The following KHK variants were observed in gnomAD, a reference collection of about 807,000 sequenced individuals.
KHK encodes the protein ketohexokinase.
In KHK, 37 loss-of-function variants were observed where a neutral mutation model predicts 36.0. The ratio of observed to expected loss-of-function variants is 1.03; its 90% CI spans 0.79 to 1.35. The LOEUF (loss-of-function observed/expected upper bound fraction) is 1.35. KHK is among the 40% of genes most tolerant of loss of function. KHK has a pLI of 0.00. For missense variants in KHK, 395 were observed against 391.9 expected (o/e 1.01, Z -0.07); for synonymous variants, 161 against 162.8 (o/e 0.99, Z 0.08).
At chr2:27,088,325 T>C (rs1342251280) in intron 1 of KHK, among the ~76,000 whole-genome samples, 1 of 152,156 alleles carries the variant, frequency 6.6e-6, no homozygotes, top group Non-Finnish European at 1.5e-5. Context: ...CAGAGTGGTC[T>C]TGAGCTCCTG....
chr2:27,087,496 TG>T (rs544486157), intron 1 of KHK, 145 bp downstream of exon 1: 5 of 574,960 alleles, frequency 8.7e-6, no homozygotes, highest in African/African-American at 1.9e-5. Context: ...CCGGGAATCC[TG>T]GGGGGGCTCC....
chr2:27,092,501 G>C, intron 2 of KHK, 53 bp downstream of exon 2: 1 of 1,323,484 alleles, frequency 7.6e-7, no homozygotes, highest in Non-Finnish European at 1.1e-6. Context: ...ATCATTGTGG[G>C]AGAAGAAGGA....
intron 1 of KHK, among the ~76,000 whole-genome samples, chr2:27,088,301 C>T (rs976943722): frequency 1.3e-5 from 2 of 151,978 alleles, no homozygotes; most frequent in African/African-American, 4.8e-5. Flanking sequence ...GGGACGGGTT[C>T]TCACTATACT....
intron 4 of KHK, 118 bp downstream of exon 4, chr2:27,096,919 C>T (rs1368501983): frequency 9.2e-6 from 7 of 760,502 alleles, no homozygotes; most frequent in Non-Finnish European, 1.6e-5. Flanking sequence ...ACCCAACCCC[C>T]TCATTCTCTC....
intron 5 of KHK, chr2:27,098,768 G>C (rs961796680): frequency 5.1e-6 from 1 of 196,166 alleles, no homozygotes; most frequent in Admixed American, 5.3e-5. Context: ...AGCCAGCATG[G>C]CGGTGGTAGA....
chr2:27,096,115 C>G (rs996265002), intron 3 of KHK, among the ~76,000 whole-genome samples: 1 of 152,200 alleles, frequency 6.6e-6, no homozygotes, highest in Non-Finnish European at 1.5e-5. Flanking sequence ...GGCTACAGAA[C>G]GTGGAGCGGG....
chr2:27,097,355 C>A, intron 4 of KHK, 148 bp from the exon 5 acceptor site: 3 of 929,790 alleles, frequency 3.2e-6, no homozygotes, highest in South Asian at 1.4e-5. Flanking sequence ...TCCACGACAG[C>A]TCTGAATGTT....
At chr2:27,090,391 C>G (rs915568039) in intron 1 of KHK, among the ~76,000 whole-genome samples, 1 of 150,900 alleles carries the variant, frequency 6.6e-6, no homozygotes, top group Non-Finnish European at 1.5e-5. Flanking sequence ...CATATCTTTT[C>G]GTAAAAATTT....
At chr2:27,097,309 G>A (rs143114091) in intron 4 of KHK, among the ~76,000 whole-genome samples, 194 bp from the exon 5 acceptor site, 10 of 152,316 alleles carry the variant, frequency 6.6e-5, no homozygotes, top group East Asian at 5.8e-4. Context: ...CTTCTCATCT[G>A]TGGAATGGAG....
intron 1 of KHK, among the ~76,000 whole-genome samples, chr2:27,092,072 C>T (rs1670041944): frequency 6.6e-6 from 1 of 152,218 alleles, no homozygotes. Context: ...GAGTGGTTTC[C>T]TGTTGCCCTA....
chr2:27,087,322 C>T lies in KHK; in HGVS notation c.63C>T (p.Asp21=), dbSNP rs771363247. ...TGCTGGACGTCATCAGCCTGGTGGA[C>T]AAGTACCCTAAGGAGGACTCGGAGA... ...LVVLDVISLV[D]KYPKEDSEIR... is the part of the protein sequence containing the mutation. The change falls in exon 1 of 8, where the codon GAC becomes GAT. Residue 21 remains aspartate, a synonymous_variant. Transcript: ENST00000260598. 1 of 1,599,656 alleles carries T rather than the reference C, an allele frequency of 6.3e-7. No individual in the cohort carries two copies. The highest frequency in any genetic ancestry group is 1.7e-5 in the Admixed American group (1 of 58,162).
Position 27,097,462 on chromosome 2 carries a change from G to A in KHK, c.418-41G>A, listed in dbSNP as rs779280124. ...CAGGAAGAATGAGGCAGATTGGCCAGGCAGTGCCCAGCGGTCCTGAGCTGC... is the reference window on the plus strand; with the variant it reads ...CAGGAAGAATGAGGCAGATTGGCCAAGCAGTGCCCAGCGGTCCTGAGCTGC... On this transcript the variant is annotated intron_variant, in intron 4 of 7. Transcript: ENST00000260598. 4.3e-6 allele frequency: 7 copies of A among 1,611,442 alleles called. No homozygotes were observed. In the Admixed American group the frequency reaches 1.2e-4, roughly 27 times the overall value.
intron 3 of KHK, among the ~76,000 whole-genome samples, chr2:27,096,433 A>G (rs1193233936): frequency 6.6e-6 from 1 of 152,154 alleles, no homozygotes; most frequent in African/African-American, 2.4e-5. Context: ...TGGCGCTCTC[A>G]GTGCATTCTG....
In KHK at chr2:27,099,950, A is replaced by G. The variant is rs751205514; in HGVS notation, c.*200A>G. Reference sequence around the variant, plus strand: ...TGGGGGATGCAGAGCCTCAGAGCAAATAAATCTTCCTCAGAGCCAGCTTCT... The same window carrying G: ...TGGGGGATGCAGAGCCTCAGAGCAAGTAAATCTTCCTCAGAGCCAGCTTCT... On this transcript the variant is annotated 3_prime_UTR_variant, in exon 8 of 8. Coordinates refer to ENST00000260598, the MANE Select transcript of KHK (RefSeq NM_006488.3). The G allele has an allele frequency of 4.6e-5, 55 of 1,206,928 alleles. No homozygotes were observed. The highest frequency in any genetic ancestry group is 5.8e-5 in the Non-Finnish European group (49 of 837,994). The allele number at this position is 1,206,928 out of a possible 1,614,324, so 74.8% of individuals were successfully genotyped here. A position where few individuals can be genotyped will look rare whatever the true frequency, so the allele number is the denominator to read the frequency against.
chr2:27,091,945 C>T (rs1217363825), intron 1 of KHK, among the ~76,000 whole-genome samples: 2 of 152,170 alleles, frequency 1.3e-5, no homozygotes, highest in Middle Eastern at 3.2e-3. Context: ...TGGAGTTGCT[C>T]CAGCTCTCAA....
chr2:27,097,364 T>G, intron 4 of KHK, 139 bp from the exon 5 acceptor site: 1 of 1,011,764 alleles, frequency 9.9e-7, no homozygotes, highest in Non-Finnish European at 1.5e-6. Context: ...GCTCTGAATG[T>G]TGTAATTTAG....
At position 27,086,791 on chromosome 2, in the gene KHK, A is replaced by C. The variant is rs6742004; in HGVS notation, c.-469A>C. On this transcript the variant is annotated 5_prime_UTR_variant, in exon 1 of 8. Transcript: ENST00000260598. ...GGCTTCAGGCAGGGCTGCAGATGCG[A>C]GGCCCAGCTGTACCTCGCGTGTCCC... 0.52 allele frequency: 79,491 copies of C among 152,656 alleles called. 22,537 individuals carry two copies. The highest frequency in any genetic ancestry group is 0.78 in the East Asian group (4,032 of 5,188). 9.5% of individuals were successfully genotyped at this position (152,656 alleles called of 1,614,324 possible).
intron 1 of KHK, among the ~76,000 whole-genome samples, chr2:27,089,077 A>T (rs991947751): frequency 2.6e-5 from 4 of 152,192 alleles, no homozygotes; most frequent in African/African-American, 9.7e-5. Context: ...AATCCTTTAT[A>T]CAGATAAGGA....
Position 27,092,451 on chromosome 2 carries a change from A to G in KHK, c.209+3A>G, listed in dbSNP as rs1390015668. ...ATGGCTCCTGGCCATGTTGCTGAGT[A>G]AGTCCAGGAGGGAGAGCCCACTGGG... On this transcript the variant is annotated splice_donor_region_variant and intron_variant, in intron 2 of 7. Coordinates refer to ENST00000260598, the MANE Select transcript of KHK (RefSeq NM_006488.3). The G allele has an allele frequency of 6.2e-7, 1 of 1,609,214 alleles. No individual in the cohort carries two copies. Among genetic ancestry groups the G allele is most frequent in the Non-Finnish European group, 8.5e-7 (1 of 1,176,692 alleles).
Sources: allele counts gnomAD v4.1 joint callset (sites outside exome capture counted in the v4.1 genomes callset), GRCh38; gene constraint gnomAD v4.1.1; transcripts MANE v1.5; gene names NCBI Gene and HGNC (gene_info 2026-07-23, HGNC 2026-07-21).